The following RAP1GAP2 variants were observed in gnomAD, a reference collection of about 807,000 sequenced individuals.
RAP1GAP2 encodes rap1 GTPase-activating protein 2.
A neutral mutation model predicts 95.0 loss-of-function variants in RAP1GAP2; 27 were observed. The ratio of observed to expected loss-of-function variants is 0.28; its 90% CI spans 0.21 to 0.39. The LOEUF (loss-of-function observed/expected upper bound fraction) is 0.39. RAP1GAP2 is among the 10% of genes least tolerant of loss of function. The pLI is 1.00. For missense variants in RAP1GAP2, 771 were observed against 970.0 expected, an observed-to-expected ratio of 0.79 and a Z score of 2.72; for synonymous variants, 373 against 380.9, an observed-to-expected ratio of 0.98 and a Z score of 0.24.
At chr17:3,025,714 C>T (rs1359510605) in intron 19 of RAP1GAP2, among the ~76,000 whole-genome samples, 2 of 152,196 alleles carry the variant, frequency 1.3e-5, no homozygotes, top group Non-Finnish European at 2.9e-5. Context: ...TGATGGCCAG[C>T]TTGGGTGAGA....
At position 2,797,651 on chromosome 17, in the gene RAP1GAP2, C is replaced by G. The variant is rs113315111; in HGVS notation, c.44+1080C>G. The G allele has an allele frequency of 1.0e-6, 1 of 974,594 alleles. No homozygotes were observed. The highest frequency in any genetic ancestry group is 1.8e-5 in the African/African-American group (1 of 56,978). 60.4% of individuals were successfully genotyped at this position (974,594 alleles called of 1,614,324 possible). A position where few individuals can be genotyped will look rare whatever the true frequency, so the allele number is the denominator to read the frequency against. ...TCAAAAGCACTTTGCCATCCATCCT[C>G]TGGCAGGGGGGGACTGTGGGCACTC... On this transcript the variant is annotated intron_variant, in intron 1 of 24. Coordinates refer to ENST00000254695, the MANE Select transcript of RAP1GAP2 (RefSeq NM_015085.5). This position sits in a 1 kb window ranked among gnomAD's most constrained non-coding sequence, Gnocchi z 5.6.
rs756702212 is a variant in RAP1GAP2, at chr17:2,998,343, C to CGAGACCCCAGGCACA, written c.1177_1191dup (p.Gly393_Pro397dup). 6.2e-6 allele frequency: 10 copies of CGAGACCCCAGGCACA among 1,613,890 alleles called. No homozygotes were observed. The South Asian group carries it at 1.1e-4, about 18-fold the overall frequency. ...TACATGCCTACATCGTCGTGCAGGT[C>CGAGACCCCAGGCACA]GAGACCCCAGGCACAGAGACCCCAT... is the stretch of plus-strand genomic sequence containing the variant. On this transcript the variant is annotated inframe_insertion, in exon 14 of 25. Transcript: ENST00000254695.
rs1038718816 is a variant in RAP1GAP2, at chr17:2,965,693, C to T, written c.596+50C>T. On this transcript the variant is annotated intron_variant, in intron 8 of 24. Coordinates refer to ENST00000254695, the MANE Select transcript of RAP1GAP2 (RefSeq NM_015085.5). The surrounding 1 kb of genome is among the most constrained non-coding windows in gnomAD (Gnocchi z 4.7). Reference sequence around the variant, plus strand: ...CCACTTCTCTTCCAGGCAGGGCTCTCATCGGTGGTGTGGGGGCTGGGATGG... The same window carrying T: ...CCACTTCTCTTCCAGGCAGGGCTCTTATCGGTGGTGTGGGGGCTGGGATGG... 2.2e-5 allele frequency: 30 copies of T among 1,375,058 alleles called. No individual in the cohort carries two copies. Among genetic ancestry groups the T allele is most frequent in the Non-Finnish European group, 2.9e-5 (29 of 983,308 alleles). 85.2% of individuals were successfully genotyped at this position (1,375,058 alleles called of 1,614,324 possible).
chr17:2,970,419 G>GC (rs1303315247), intron 8 of RAP1GAP2, among the ~76,000 whole-genome samples: 4 of 152,058 alleles, frequency 2.6e-5, no homozygotes, highest in Non-Finnish European at 5.9e-5. Flanking sequence ...AGATGAGATA[G>GC]CTAGGTTAAA....
upstream of RAP1GAP2, among the ~76,000 whole-genome samples, chr17:2,774,190 G>A (rs1466687118): frequency 6.6e-6 from 1 of 152,146 alleles, no homozygotes; most frequent in African/African-American, 2.4e-5. Context: ...CTTGGGTATG[G>A]CCCCATGTGT....
Position 2,825,657 on chromosome 17 carries a change from T to C in RAP1GAP2, c.80+25107T>C, listed in dbSNP as rs1194391709. Among the ~76,000 whole-genome samples, 1 of 151,998 alleles carries C rather than the reference T, an allele frequency of 6.6e-6. No homozygotes were observed. The highest frequency in any genetic ancestry group is 2.4e-5 in the African/African-American group (1 of 41,410). Reference sequence around the variant, plus strand: ...GAGCGTCCCTGTCTCACAGGGATGTTTGAGGATGAAATGAGCTAACATAGG... The same window carrying C: ...GAGCGTCCCTGTCTCACAGGGATGTCTGAGGATGAAATGAGCTAACATAGG... On this transcript the variant is annotated intron_variant, in intron 2 of 24. Transcript: ENST00000254695. This position sits in a 1 kb window ranked among gnomAD's most constrained non-coding sequence, Gnocchi z 4.1.
intron 3 of RAP1GAP2, among the ~76,000 whole-genome samples, chr17:2,949,248 T>A (rs1322742280): frequency 6.6e-6 from 1 of 152,180 alleles, no homozygotes; most frequent in Non-Finnish European, 1.5e-5. Context: ...GCTAATACAT[T>A]AGACAGCTGC....
At chr17:2,894,160 G>A (rs539134458) in intron 2 of RAP1GAP2, among the ~76,000 whole-genome samples, 10 of 148,806 alleles carry the variant, frequency 6.7e-5, no homozygotes, top group African/African-American at 2.5e-4. Flanking sequence ...GGTGGCCCAT[G>A]CCTGCAATCC....
intron 12 of RAP1GAP2, among the ~76,000 whole-genome samples, chr17:2,992,368 G>C (rs1389312080): frequency 4.6e-5 from 7 of 151,934 alleles, no homozygotes; most frequent in African/African-American, 1.7e-4. Flanking sequence ...CACCATGCTA[G>C]CCAGGATGGT....
intron 1 of RAP1GAP2, among the ~76,000 whole-genome samples, chr17:2,769,491 C>T (rs865792279): frequency 1.0e-4 from 15 of 149,012 alleles, no homozygotes; most frequent in Non-Finnish European, 2.1e-4. Context: ...GAAGGCGGAG[C>T]TTGCAGTGAG....
chr17:2,867,099 C>T lies in RAP1GAP2; in HGVS notation c.81-38185C>T, dbSNP rs1597467921. 6.6e-6 allele frequency among the ~76,000 whole-genome samples: 1 copy of T among 151,466 alleles called. No individual in the cohort carries two copies. Among genetic ancestry groups the T allele is most frequent in the Non-Finnish European group, 1.5e-5 (1 of 67,998 alleles). Reference sequence around the variant, plus strand: ...TATTTGTAGTAGAGACGGGGTTTCACCATGTTGGCCAGGCTGGTCTCGAAC... The same window carrying T: ...TATTTGTAGTAGAGACGGGGTTTCATCATGTTGGCCAGGCTGGTCTCGAAC... On this transcript the variant is annotated intron_variant, in intron 2 of 24. Transcript: ENST00000254695. This position sits in a 1 kb window ranked among gnomAD's most constrained non-coding sequence, Gnocchi z 4.5.
intron 17 of RAP1GAP2, among the ~76,000 whole-genome samples, chr17:3,013,980 GAC>G (rs945471638): frequency 3.0e-5 from 3 of 99,858 alleles, no homozygotes; most frequent in Non-Finnish European, 6.7e-5. Context: ...CTGGGAAAGA[GAC>G]AGGGAGGAAT....
At chr17:2,793,662 G>T (rs1322527683), upstream of RAP1GAP2, among the ~76,000 whole-genome samples, 1 of 152,218 alleles carries the variant, frequency 6.6e-6, no homozygotes, top group African/African-American at 2.4e-5. Context: ...TTCTTTAGTT[G>T]GGACTTTATT....
At chr17:2,914,529 C>T (rs1217771817) in intron 3 of RAP1GAP2, among the ~76,000 whole-genome samples, 1 of 152,034 alleles carries the variant, frequency 6.6e-6, no homozygotes, top group African/African-American at 2.4e-5. Context: ...CTCGCTCTGT[C>T]GCCCAGGCTG....
intron 19 of RAP1GAP2, among the ~76,000 whole-genome samples, chr17:3,022,709 T>G (rs563606212): frequency 4.7e-4 from 72 of 152,226 alleles, no homozygotes; most frequent in Non-Finnish European, 7.6e-4. Context: ...GATTGTTTCC[T>G]TTGGTGTGCA....
At chr17:2,787,012 G>A (rs191184737) in intron 1 of RAP1GAP2, among the ~76,000 whole-genome samples, 9 of 143,566 alleles carry the variant, frequency 6.3e-5, no homozygotes, top group East Asian at 2.2e-4. Context: ...GCGCAGGGGC[G>A]CGATCTCTGC....
chr17:2,810,360 G>T (rs4790364), intron 2 of RAP1GAP2, among the ~76,000 whole-genome samples: 115,099 of 149,500 alleles, frequency 0.77, 44,624 homozygotes, highest in African/African-American at 0.9. Context: ...CAAATTAGTC[G>T]TTTTTTTTTT....
rs1374734835 is a variant in RAP1GAP2, at chr17:2,906,961, T to G, written c.165+1593T>G. ...TGCAAGCATAGACGGCAGGCATGAC[T>G]GCATCCGCAAGATCAGTCTCATTCT... On this transcript the variant is annotated intron_variant, in intron 3 of 24. Coordinates refer to ENST00000254695, the MANE Select transcript of RAP1GAP2 (RefSeq NM_015085.5). The surrounding 1 kb of genome is among the most constrained non-coding windows in gnomAD (Gnocchi z 4.3). Among the ~76,000 whole-genome samples the G allele has an allele frequency of 2.0e-5, 3 of 152,210 alleles. No individual in the cohort carries two copies. Among genetic ancestry groups the G allele is most frequent in the Non-Finnish European group, 4.4e-5 (3 of 68,044 alleles).
intron 2 of RAP1GAP2, among the ~76,000 whole-genome samples, chr17:2,880,687 A>G (rs2073253288): frequency 6.6e-6 from 1 of 151,406 alleles, no homozygotes; most frequent in Admixed American, 6.6e-5. Context: ...GTCTCTATGG[A>G]TTTGCCTCTT....
Sources: allele counts gnomAD v4.1 joint callset (sites outside exome capture counted in the v4.1 genomes callset), GRCh38; gene constraint gnomAD v4.1.1; non-coding constraint Gnocchi (gnomAD v3.1); transcripts MANE v1.5; gene names NCBI Gene and HGNC (gene_info 2026-07-23, HGNC 2026-07-21).